Variants in RIMS1 observed in about 807,000 individuals in gnomAD.
The protein encoded by RIMS1 is regulating synaptic membrane exocytosis 1.
A neutral mutation model predicts 214.1 loss-of-function variants in RIMS1; 83 were observed. The ratio of observed to expected loss-of-function variants is 0.39; its 90% CI spans 0.32 to 0.47. The LOEUF (loss-of-function observed/expected upper bound fraction) is 0.47. Among genes scored for constraint, RIMS1 ranks in the 20% least tolerant of loss-of-function variants. RIMS1 has a pLI of 0.99. For synonymous variants in RIMS1, 793 were observed against 786.8 expected, an observed-to-expected ratio of 1.01 and a Z score of -0.13; for missense variants, 2,050 against 2,161.8, an observed-to-expected ratio of 0.95 and a Z score of 1.03.
At chr6:72,308,832 T>C (rs1235259560) in intron 27 of RIMS1, among the ~76,000 whole-genome samples, 2 of 152,168 alleles carry the variant, frequency 1.3e-5, no homozygotes, top group Admixed American at 6.5e-5. Context: ...GTTTATCTTG[T>C]CTGCAACTTG....
intron 26 of RIMS1, among the ~76,000 whole-genome samples, chr6:72,300,663 C>T (rs1254673551): frequency 6.6e-6 from 1 of 151,766 alleles, no homozygotes; most frequent in Non-Finnish European, 1.5e-5. Context: ...AAAACCTAAA[C>T]ATGCTTTTAA....
At chr6:72,378,875 T>C (rs1345374066) in intron 29 of RIMS1, among the ~76,000 whole-genome samples, 1 of 152,106 alleles carries the variant, frequency 6.6e-6, no homozygotes, top group Non-Finnish European at 1.5e-5. Context: ...GACACCTCTG[T>C]TTATTGTACC....
intron 1 of RIMS1, among the ~76,000 whole-genome samples, chr6:71,948,662 G>C (rs1453934128): frequency 6.6e-6 from 1 of 152,120 alleles, no homozygotes. Context: ...TGAAAAACAT[G>C]ATTTTTATAA....
In RIMS1 at chr6:72,062,478, G is replaced by T. The variant is rs533739897; in HGVS notation, c.246-34471G>T. Among the ~76,000 whole-genome samples, 10 of 152,044 alleles carry T rather than the reference G, an allele frequency of 6.6e-5. No individual in the cohort carries two copies. In the South Asian group the frequency reaches 8.3e-4, roughly 13 times the overall value. The stretch of plus-strand genomic sequence containing the variant: ...ATGGGTTAAAAACAGCAGAAACCCC[G>T]TTTTTTCTAAAGAATCTCAAAACCT... On this transcript the variant is annotated intron_variant, in intron 2 of 33. Coordinates refer to ENST00000521978, the MANE Select transcript of RIMS1 (RefSeq NM_014989.7).
chr6:72,326,768 A>G (rs990063007), intron 28 of RIMS1, among the ~76,000 whole-genome samples: 2 of 151,742 alleles, frequency 1.3e-5, no homozygotes, highest in Admixed American at 6.6e-5. Context: ...GGGGTGTCAG[A>G]TGGAATTAAG....
At chr6:72,308,981 A>G (rs1196408574) in intron 27 of RIMS1, among the ~76,000 whole-genome samples, 1 of 152,126 alleles carries the variant, frequency 6.6e-6, no homozygotes. Flanking sequence ...CTACAGTTGG[A>G]TGCAGTTATT....
intron 28 of RIMS1, among the ~76,000 whole-genome samples, chr6:72,319,742 G>A (rs1263782002): frequency 7.9e-5 from 12 of 151,532 alleles, no homozygotes; most frequent in African/African-American, 1.5e-4. Flanking sequence ...CGCAGGTGCC[G>A]TACACTATCT....
At chr6:72,101,623 AT>A (rs2033612698) in intron 4 of RIMS1, among the ~76,000 whole-genome samples, 1 of 151,922 alleles carries the variant, frequency 6.6e-6, no homozygotes, top group African/African-American at 2.4e-5. Flanking sequence ...ATAAGGGTGA[AT>A]AAAACTTTTC....
At chr6:72,367,163 T>C (rs2098062474) in intron 29 of RIMS1, among the ~76,000 whole-genome samples, 1 of 152,230 alleles carries the variant, frequency 6.6e-6, no homozygotes, top group African/African-American at 2.4e-5. Context: ...ACTTACAGGA[T>C]TTTAAAGCTG....
At chr6:72,209,317 C>A (rs1441399139) in intron 6 of RIMS1, among the ~76,000 whole-genome samples, 2 of 152,084 alleles carry the variant, frequency 1.3e-5, no homozygotes, top group Non-Finnish European at 2.9e-5. Context: ...TTGTGGGAAG[C>A]CTGTAAATAG....
intron 29 of RIMS1, among the ~76,000 whole-genome samples, chr6:72,359,297 A>G (rs982026562): frequency 9.9e-5 from 15 of 152,168 alleles, no homozygotes; most frequent in African/African-American, 3.1e-4. Context: ...TTCTTACCAA[A>G]TGACCACTGG....
chr6:72,361,433 A>C (rs946817451), intron 29 of RIMS1, among the ~76,000 whole-genome samples: 3 of 151,994 alleles, frequency 2.0e-5, no homozygotes, highest in Admixed American at 6.6e-5. Context: ...CTGCTTAATA[A>C]ATTAACAAAA....
chr6:72,017,205 T>C (rs558508615), intron 2 of RIMS1, among the ~76,000 whole-genome samples: 1 of 152,346 alleles, frequency 6.6e-6, no homozygotes, highest in Non-Finnish European at 1.5e-5. Context: ...TTATCCCTGC[T>C]CTATCTTAAT....
chr6:72,035,576 A>G (rs1005465283), intron 2 of RIMS1, among the ~76,000 whole-genome samples: 4 of 152,272 alleles, frequency 2.6e-5, no homozygotes, highest in African/African-American at 9.6e-5. Flanking sequence ...TTTAAGATTA[A>G]TTAGAAAAAT....
In RIMS1 at chr6:72,163,129, T is replaced by G. The variant is rs2045713530; in HGVS notation, c.472-16446T>G. Among the ~76,000 whole-genome samples, 2 of 139,868 alleles carry G rather than the reference T, an allele frequency of 1.4e-5. 1 individual carries two copies. The highest frequency in any genetic ancestry group is 3.2e-5 in the Non-Finnish European group (2 of 61,656). 91.8% of individuals were successfully genotyped at this position (139,868 alleles called of 152,430 possible). ...CTCTAATCTTCTCTTCTCACTTCATTTCATTTCATCTTCCATCACTGATAC... is the reference window on the plus strand; with the variant it reads ...CTCTAATCTTCTCTTCTCACTTCATGTCATTTCATCTTCCATCACTGATAC... On this transcript the variant is annotated intron_variant, in intron 4 of 33. Coordinates refer to ENST00000521978, the MANE Select transcript of RIMS1 (RefSeq NM_014989.7).
At chr6:72,176,465 C>T in intron 4 of RIMS1, among the ~76,000 whole-genome samples, 1 of 151,888 alleles carries the variant, frequency 6.6e-6, no homozygotes, top group East Asian at 1.9e-4. Flanking sequence ...ATATATTTTT[C>T]TTTATAACTT....
chr6:72,237,694 C>A, intron 8 of RIMS1, 129 bp from the exon 9 acceptor site: 2 of 657,444 alleles, frequency 3.0e-6, no homozygotes, highest in Admixed American at 2.9e-5. Context: ...AAAAAAAGTG[C>A]TTCACTTCAT....
chr6:72,208,273 A>G (rs1420836338), intron 6 of RIMS1, among the ~76,000 whole-genome samples: 2 of 152,222 alleles, frequency 1.3e-5, no homozygotes, highest in African/African-American at 4.8e-5. Flanking sequence ...AGTGGATTTT[A>G]TAGACTGAAT....
At chr6:72,275,271 C>G (rs1433600366) in intron 23 of RIMS1, among the ~76,000 whole-genome samples, 2 of 150,174 alleles carry the variant, frequency 1.3e-5, no homozygotes, top group Admixed American at 1.3e-4. Context: ...GAAATTCAGC[C>G]AACGCATTGG....
Sources: allele counts gnomAD v4.1 joint callset (sites outside exome capture counted in the v4.1 genomes callset), GRCh38; gene constraint gnomAD v4.1.1; transcripts MANE v1.5; gene names NCBI Gene and HGNC (gene_info 2026-07-23, HGNC 2026-07-21).